Variants in ATAD2 observed in about 807,000 individuals in gnomAD.
ATAD2 encodes ATPase family AAA domain-containing protein 2.
In ATAD2, 62 loss-of-function variants were observed where a neutral mutation model predicts 168.9. The ratio of observed to expected loss-of-function variants is 0.37; its 90% CI spans 0.30 to 0.45. The LOEUF (loss-of-function observed/expected upper bound fraction) is 0.45. Among genes scored for constraint, ATAD2 ranks in the 20% least tolerant of loss-of-function variants. The pLI, the probability that ATAD2 is intolerant of heterozygous loss-of-function variation, is 1.00. For missense variants in ATAD2, 1,419 were observed against 1,667.8 expected (o/e 0.85, Z 2.60); for synonymous variants, 613 against 571.6 (o/e 1.07, Z -1.03).
At chr8:123,346,967 C>A (rs1037449261) in intron 16 of ATAD2, 125 bp downstream of exon 16, 3 of 1,180,682 alleles carry the variant, frequency 2.5e-6, no homozygotes, top group Admixed American at 6.1e-5. Flanking sequence ...TCAAATATCC[C>A]AGGTAAAGCA....
chr8:123,389,422 G>A (rs1473904913), intron 1 of ATAD2, among the ~76,000 whole-genome samples: 1 of 150,334 alleles, frequency 6.7e-6, no homozygotes, highest in Non-Finnish European at 1.5e-5. Flanking sequence ...GGCGGATCAC[G>A]AAGTCGGGAG....
chr8:123,349,087 A>C (rs1828361972), intron 14 of ATAD2, among the ~76,000 whole-genome samples, 198 bp downstream of exon 14: 1 of 152,232 alleles, frequency 6.6e-6, no homozygotes, highest in African/African-American at 2.4e-5. Flanking sequence ...AATTGAAATA[A>C]TTTTAAGAGT....
chr8:123,378,094 A>T (rs981065492), intron 2 of ATAD2, among the ~76,000 whole-genome samples: 4 of 152,212 alleles, frequency 2.6e-5, no homozygotes, highest in African/African-American at 9.6e-5. Context: ...GCTGGTTTAT[A>T]TTGTACTTCA....
rs757865233 is a variant in ATAD2, at chr8:123,371,861, AAT to A, written c.371-28_371-27del. 4.6e-6 allele frequency: 7 copies of A among 1,517,850 alleles called. 1 individual carries two copies. The South Asian group carries it at 9.3e-5, about 20-fold the overall frequency. 94.0% of individuals were successfully genotyped at this position (1,517,850 alleles called of 1,614,324 possible). ...CTTCACAAATGCATACATAAAAATA[AAT>A]AGAAACATTTGAAATAATAGTATTT... is the stretch of plus-strand genomic sequence containing the variant. On this transcript the variant is annotated intron_variant, in intron 3 of 27. Transcript: ENST00000287394.
At chr8:123,391,505 AAAAAAAG>A (rs1829825719) in intron 1 of ATAD2, among the ~76,000 whole-genome samples, 1 of 150,238 alleles carries the variant, frequency 6.7e-6, no homozygotes. Context: ...AAAAAAAAAA[AAAAAAAG>A]GTCAGCCTGA....
intron 1 of ATAD2, among the ~76,000 whole-genome samples, chr8:123,414,992 G>C (rs1405577225): frequency 6.6e-6 from 1 of 152,034 alleles, no homozygotes; most frequent in Admixed American, 6.6e-5. Context: ...TATTTTTGTT[G>C]TATAGGTCCT....
At chr8:123,356,787 A>G (rs1387734473) in intron 12 of ATAD2, among the ~76,000 whole-genome samples, 2 of 151,486 alleles carry the variant, frequency 1.3e-5, no homozygotes, top group Admixed American at 1.3e-4. Context: ...TTTATAATTT[A>G]TAACTATTTA....
chr8:123,414,092 CAAAAAAAAAAAAAAAAA>C (rs57662854), intron 1 of ATAD2, among the ~76,000 whole-genome samples: 1 of 40,592 alleles, frequency 2.5e-5, no homozygotes, highest in African/African-American at 1.1e-4. Flanking sequence ...ACTCTTATCT[CAAAAAAAAAAAAAAAAA>C]AAAAAAAAAA....
intron 1 of ATAD2, among the ~76,000 whole-genome samples, chr8:123,383,638 T>C (rs1829559550): frequency 1.3e-5 from 2 of 151,826 alleles, no homozygotes; most frequent in East Asian, 1.9e-4. Flanking sequence ...CCGGGCGAGG[T>C]GGCGCATGCC....
intron 11 of ATAD2, among the ~76,000 whole-genome samples, chr8:123,358,137 C>T (rs1828702978): frequency 6.6e-6 from 1 of 152,162 alleles, no homozygotes; most frequent in Admixed American, 6.5e-5. Flanking sequence ...TAACTAGGCA[C>T]TTCCAACATT....
At chr8:123,354,981 C>T (rs1449506352) in intron 13 of ATAD2, among the ~76,000 whole-genome samples, 1 of 147,546 alleles carries the variant, frequency 6.8e-6, no homozygotes, top group Non-Finnish European at 1.5e-5. Flanking sequence ...ACAGTAAGTA[C>T]TCAACTTACT....
chr8:123,336,986 C>A (rs893151798), intron 21 of ATAD2, among the ~76,000 whole-genome samples: 5 of 144,332 alleles, frequency 3.5e-5, no homozygotes, highest in Non-Finnish European at 6.0e-5. Flanking sequence ...CACAAGGTTG[C>A]AGTGAAAGAT....
intron 7 of ATAD2, 117 bp downstream of exon 7, chr8:123,369,704 G>T: frequency 1.2e-6 from 1 of 854,398 alleles, no homozygotes; most frequent in Non-Finnish European, 1.8e-6. Flanking sequence ...ACAGTAATGA[G>T]TATTCAACAA....
intron 9 of ATAD2, 90 bp downstream of exon 9, chr8:123,361,449 G>A (rs1306508891): frequency 8.8e-6 from 9 of 1,020,066 alleles, no homozygotes; most frequent in African/African-American, 1.6e-5. Flanking sequence ...TAATCAGCCA[G>A]CCTATACTTA....
At chr8:123,366,896 T>TA (rs77797973) in intron 8 of ATAD2, among the ~76,000 whole-genome samples, 23 of 146,330 alleles carry the variant, frequency 1.6e-4, no homozygotes, top group East Asian at 3.9e-4. Flanking sequence ...ATAAAAAATT[T>TA]AAAAAAAAAA....
intron 1 of ATAD2, among the ~76,000 whole-genome samples, chr8:123,410,836 G>A (rs1339274911): frequency 2.0e-5 from 3 of 152,348 alleles, no homozygotes; most frequent in South Asian, 2.1e-4. Context: ...CAGGGTGTCC[G>A]CTGTGCTCCT....
chr8:123,337,373 A>T (rs535037102), intron 21 of ATAD2, among the ~76,000 whole-genome samples: 15 of 152,296 alleles, frequency 9.8e-5, no homozygotes, highest in South Asian at 2.1e-4. Context: ...CAAAAAAAAA[A>T]AATAATAAGA....
chr8:123,415,159 G>A (rs747798254), intron 1 of ATAD2, among the ~76,000 whole-genome samples: 1 of 152,176 alleles, frequency 6.6e-6, no homozygotes, highest in Admixed American at 6.6e-5. Flanking sequence ...CTTAATATAT[G>A]ATGCTTAGTT....
intron 19 of ATAD2, among the ~76,000 whole-genome samples, chr8:123,340,388 C>G (rs112507961): frequency 6.6e-6 from 1 of 152,002 alleles, no homozygotes; most frequent in East Asian, 1.9e-4. Context: ...AGTGTAGCTG[C>G]GGTGGAAAAC....
Sources: gnomAD v4.1 joint callset for allele counts (sites outside exome capture counted in the v4.1 genomes callset) on GRCh38, gnomAD v4.1.1 for gene constraint, MANE v1.5 for transcripts, NCBI Gene and HGNC (gene_info 2026-07-23, HGNC 2026-07-21) for gene names.